The following MBTPS1 variants were observed in gnomAD, a reference collection of about 807,000 sequenced individuals.
The protein encoded by MBTPS1 is membrane bound transcription factor peptidase, site 1, also known as membrane-bound transcription factor site-1 protease.
A neutral mutation model predicts 127.8 loss-of-function variants in MBTPS1; 94 were observed. That is an observed-to-expected ratio of 0.74 (90% CI 0.62 to 0.87). The LOEUF (loss-of-function observed/expected upper bound fraction) is 0.87, where lower values mean the gene tolerates loss of function less well. Ranked by LOEUF, MBTPS1 falls within the 40% of genes least tolerant of loss-of-function variation. MBTPS1 has a pLI of 0.00. For synonymous variants in MBTPS1, 632 were observed against 509.4 expected, an observed-to-expected ratio of 1.24 and a Z score of -3.24; for missense variants, 1,636 against 1,353.2, an observed-to-expected ratio of 1.21 and a Z score of -3.28.
intron 4 of MBTPS1, among the ~76,000 whole-genome samples, chr16:84,095,176 T>C (rs1597341479): frequency 6.6e-6 from 1 of 152,242 alleles, no homozygotes; most frequent in Non-Finnish European, 1.5e-5. Flanking sequence ...GATAAACTAA[T>C]TTCCGTGGAA....
chr16:84,087,508 CAA>C (rs902661520), intron 8 of MBTPS1, 48 bp from the exon 9 acceptor site: 12 of 1,224,248 alleles, frequency 9.8e-6, no homozygotes, highest in African/African-American at 9.6e-5. Context: ...AAGAAAAAAA[CAA>C]GAGAAATAAT....
intron 14 of MBTPS1, 33 bp from the exon 15 acceptor site, chr16:84,068,487 T>C: frequency 6.9e-7 from 1 of 1,453,164 alleles, no homozygotes; most frequent in Non-Finnish European, 9.7e-7. Flanking sequence ...ATTAAAATGA[T>C]CGATCTTTAC....
At chr16:84,114,953 T>C (rs1305077998) in intron 1 of MBTPS1, among the ~76,000 whole-genome samples, 16 of 151,902 alleles carry the variant, frequency 1.1e-4, no homozygotes, top group Non-Finnish European at 1.5e-5. Flanking sequence ...TTTTGAGACA[T>C]AGTCTCACTC....
intron 7 of MBTPS1, among the ~76,000 whole-genome samples, chr16:84,091,473 T>A (rs3785023): frequency 7.7e-6 from 1 of 129,804 alleles, no homozygotes; most frequent in East Asian, 2.1e-4. Flanking sequence ...CCAACAAGAA[T>A]AAAACTCCAT....
chr16:84,097,343 T>C (rs1397084095), intron 3 of MBTPS1, among the ~76,000 whole-genome samples: 2 of 152,240 alleles, frequency 1.3e-5, no homozygotes, highest in South Asian at 4.1e-4. Context: ...GTTATCTTCA[T>C]GACAGCCCCA....
Position 84,090,914 on chromosome 16 carries a change from A to G in MBTPS1, c.992T>C (p.Ile331Thr). 6.2e-7 allele frequency: 1 copy of G among 1,613,116 alleles called. No individual in the cohort carries two copies. Among genetic ancestry groups the G allele is most frequent in the Non-Finnish European group, 8.5e-7 (1 of 1,179,518 alleles). Reference protein sequence around the residue: ...KVWELTANNVIMVSAIGNDGP... With the variant: ...KVWELTANNVTMVSAIGNDGP... Reference sequence around the variant, plus strand: ...GTCATTGCCAATAGCAGAAACCATGATTACATTGTTAGCTGTTAATTCCCA... The same window carrying G: ...GTCATTGCCAATAGCAGAAACCATGGTTACATTGTTAGCTGTTAATTCCCA... The change falls in exon 8 of 23, where the codon ATC (isoleucine) becomes ACC (threonine). Residue 331 changes from isoleucine to threonine, a missense_variant. By Grantham distance (89) the Ile-to-Thr change is moderately conservative. Transcript: ENST00000343411.
At chr16:84,099,777 A>G (rs1389790360) in intron 2 of MBTPS1, among the ~76,000 whole-genome samples, 2 of 139,540 alleles carry the variant, frequency 1.4e-5, no homozygotes, top group Admixed American at 1.4e-4. Flanking sequence ...CTCCGTCTCA[A>G]AAAAAAAAAA....
At chr16:84,077,196 G>C (rs1428672639) in intron 11 of MBTPS1, among the ~76,000 whole-genome samples, 1 of 140,812 alleles carries the variant, frequency 7.1e-6, no homozygotes, top group African/African-American at 2.7e-5. Flanking sequence ...CTACACTCCA[G>C]CCTGAGCCAC....
chr16:84,111,766 T>A (rs2086401190), intron 1 of MBTPS1, among the ~76,000 whole-genome samples: 1 of 152,140 alleles, frequency 6.6e-6, no homozygotes, highest in African/African-American at 2.4e-5. Context: ...TAAATTCATG[T>A]TGTTCTAGGC....
chr16:84,076,478 G>C (rs1368179179), intron 11 of MBTPS1, among the ~76,000 whole-genome samples: 4 of 152,164 alleles, frequency 2.6e-5, no homozygotes, highest in African/African-American at 9.7e-5. Context: ...GAAGCCTTAA[G>C]AATTGGCAAG....
At chr16:84,054,686 G>A (rs766517901) in intron 22 of MBTPS1, 41 bp from the exon 23 acceptor site, 2 of 1,461,900 alleles carry the variant, frequency 1.4e-6, no homozygotes, top group Non-Finnish European at 1.8e-6. Context: ...GAACGCCACA[G>A]AGCTACCATG....
chr16:84,091,717 A>T lies in MBTPS1; in HGVS notation c.963+15T>A. On this transcript the variant is annotated intron_variant, in intron 7 of 22. Transcript: ENST00000343411. ...GAGCTGTCACCCAAACCCCGTGTGC[A>T]GTGACTCCACAAACCTTGTCAACAA... 6.3e-7 allele frequency: 1 copy of T among 1,579,322 alleles called. No individual in the cohort carries two copies. The highest frequency in any genetic ancestry group is 1.1e-5 in the South Asian group (1 of 90,378).
chr16:84,098,559 A>T (rs2086210552), intron 3 of MBTPS1, among the ~76,000 whole-genome samples: 1 of 152,182 alleles, frequency 6.6e-6, no homozygotes, highest in Non-Finnish European at 1.5e-5. Flanking sequence ...GTGAGCCAAG[A>T]TCGCGCCACT....
Position 84,060,616 on chromosome 16 carries a change from G to C in MBTPS1, c.2704+66C>G, listed in dbSNP as rs969266304. On this transcript the variant is annotated intron_variant, in intron 20 of 22. Transcript: ENST00000343411. ...CACTTGCTGGCAGGCACAGCCACTG[G>C]CTGAAGTAGCATCATGTTCAGCTGG... 8 of 1,566,402 alleles carry C rather than the reference G, an allele frequency of 5.1e-6. No homozygotes were observed. In the African/African-American group the frequency reaches 8.1e-5, roughly 16 times the overall value.
chr16:84,081,334 A>T (rs1277456251), intron 11 of MBTPS1, among the ~76,000 whole-genome samples: 1 of 152,220 alleles, frequency 6.6e-6, no homozygotes, highest in Non-Finnish European at 1.5e-5. Flanking sequence ...GAATTACAGC[A>T]CAGTGTCAGT....
At chr16:84,113,414 A>C (rs2086426007) in intron 1 of MBTPS1, among the ~76,000 whole-genome samples, 1 of 152,212 alleles carries the variant, frequency 6.6e-6, no homozygotes, top group African/African-American at 2.4e-5. Flanking sequence ...ATAATTAAAA[A>C]TTTTTGACAT....
chr16:84,065,399 T>A (rs918468806), intron 18 of MBTPS1, among the ~76,000 whole-genome samples: 17 of 152,156 alleles, frequency 1.1e-4, no homozygotes, highest in Non-Finnish European at 8.8e-5. Flanking sequence ...ACCATTCAAG[T>A]AATATTGCAA....
chr16:84,111,050 C>T (rs769973675), intron 1 of MBTPS1, among the ~76,000 whole-genome samples: 2 of 152,222 alleles, frequency 1.3e-5, no homozygotes, highest in African/African-American at 4.8e-5. Flanking sequence ...CAAAGATGCT[C>T]ACATCCTCAT....
At chr16:84,110,521 G>A (rs1314009239) in intron 1 of MBTPS1, among the ~76,000 whole-genome samples, 2 of 151,912 alleles carry the variant, frequency 1.3e-5, no homozygotes, top group Admixed American at 6.6e-5. Flanking sequence ...GTATTAAAAC[G>A]CTTAAAAATG....
Sources: allele counts gnomAD v4.1 joint callset (sites outside exome capture counted in the v4.1 genomes callset), GRCh38; gene constraint gnomAD v4.1.1; transcripts MANE v1.5; gene names NCBI Gene and HGNC (gene_info 2026-07-23, HGNC 2026-07-21).